INPP5A: variants seen among roughly 807,000 people sequenced by gnomAD.
INPP5A encodes the protein inositol polyphosphate-5-phosphatase A, also known as 43 kDa inositol polyphosphate 5-phophatase.
Under a neutral mutation model 65.2 loss-of-function variants are expected in INPP5A, and 14 were observed. That is an observed-to-expected ratio of 0.21 (90% CI 0.14 to 0.34). The LOEUF (loss-of-function observed/expected upper bound fraction) is 0.34. Ranked by LOEUF, INPP5A falls within the 10% of genes least tolerant of loss-of-function variation. The pLI is 1.00. For missense variants in INPP5A, 431 were observed against 545.6 expected, an observed-to-expected ratio of 0.79 and a Z score of 2.09; for synonymous variants, 207 against 208.3, an observed-to-expected ratio of 0.99 and a Z score of 0.05.
chr10:132,752,961 G>A (rs1369626066), intron 11 of INPP5A, among the ~76,000 whole-genome samples: 3 of 152,140 alleles, frequency 2.0e-5, no homozygotes, highest in South Asian at 2.1e-4. Context: ...GTGTGATTGC[G>A]GAGGCCTGGT....
chr10:132,712,464 G>GT (rs1845658129), intron 8 of INPP5A, among the ~76,000 whole-genome samples: 1 of 145,406 alleles, frequency 6.9e-6, no homozygotes, highest in Non-Finnish European at 1.5e-5. Context: ...TGCATGTGTG[G>GT]TGTGGATGTG....
intron 8 of INPP5A, among the ~76,000 whole-genome samples, chr10:132,723,885 G>T (rs960894512): frequency 6.6e-6 from 1 of 152,188 alleles, no homozygotes; most frequent in Non-Finnish European, 1.5e-5. Context: ...CTGTGCTCAC[G>T]GGACACAGCA....
rs549932990 is a variant in INPP5A, at chr10:132,663,678, G to A, written c.306+13173G>A. ...CTTCTGGCTGGGGTTGGTTTGCAGT[G>A]GAGTCTGTGCCTGTGGCAGCCGTCT... On this transcript the variant is annotated intron_variant, in intron 4 of 15. Transcript: ENST00000368594. This position sits in a 1 kb window ranked among gnomAD's most constrained non-coding sequence, Gnocchi z 4.5. Among the ~76,000 whole-genome samples the A allele has an allele frequency of 6.6e-6, 1 of 152,356 alleles. No individual in the cohort carries two copies. The highest frequency in any genetic ancestry group is 1.9e-4 in the East Asian group (1 of 5,190).
intron 12 of INPP5A, among the ~76,000 whole-genome samples, chr10:132,775,458 C>T (rs1351031719): frequency 6.6e-6 from 1 of 152,258 alleles, no homozygotes; most frequent in Non-Finnish European, 1.5e-5. Flanking sequence ...CCAGCACCTC[C>T]CACCTGTGGG....
At chr10:132,553,208 T>C (rs1266675961) in intron 1 of INPP5A, among the ~76,000 whole-genome samples, 4 of 96,814 alleles carry the variant, frequency 4.1e-5, no homozygotes, top group Admixed American at 3.7e-4. Context: ...GGAGGATTGG[T>C]GAACGCCTTC....
chr10:132,584,199 T>C (rs923169644), intron 1 of INPP5A, among the ~76,000 whole-genome samples: 1 of 152,240 alleles, frequency 6.6e-6, no homozygotes, highest in African/African-American at 2.4e-5. Flanking sequence ...CTTTGCCGGT[T>C]TTGGTGTTGG....
At chr10:132,581,589 G>A (rs1409924023) in intron 1 of INPP5A, among the ~76,000 whole-genome samples, 3 of 152,146 alleles carry the variant, frequency 2.0e-5, no homozygotes, top group Non-Finnish European at 4.4e-5. Context: ...TCTGGCGGGT[G>A]TGCAGTGGGA....
chr10:132,755,153 A>G (rs1452716805), intron 11 of INPP5A, among the ~76,000 whole-genome samples: 1 of 150,838 alleles, frequency 6.6e-6, no homozygotes. Flanking sequence ...GTGAGCAAGC[A>G]TATGCATATG....
At chr10:132,607,323 A>G (rs996182233) in intron 1 of INPP5A, among the ~76,000 whole-genome samples, 10 of 152,328 alleles carry the variant, frequency 6.6e-5, no homozygotes, top group South Asian at 2.1e-4. Flanking sequence ...ACGTGTGTGC[A>G]CGCCTGTGGC....
chr10:132,703,310 C>T (rs1227455617), intron 6 of INPP5A, among the ~76,000 whole-genome samples: 3 of 152,114 alleles, frequency 2.0e-5, no homozygotes, highest in African/African-American at 4.8e-5. Context: ...CGGTGCCTGT[C>T]TTCCCATCCA....
intron 1 of INPP5A, among the ~76,000 whole-genome samples, chr10:132,540,705 A>C (rs1317058716): frequency 6.6e-6 from 1 of 152,136 alleles, no homozygotes; most frequent in African/African-American, 2.4e-5. Flanking sequence ...CTGCTTTGAG[A>C]TTCTGTTTGC....
intron 1 of INPP5A, among the ~76,000 whole-genome samples, chr10:132,602,774 G>A (rs367759904): frequency 3.9e-5 from 6 of 152,302 alleles, no homozygotes; most frequent in African/African-American, 1.4e-4. Context: ...TGATGAGCGC[G>A]GGCATCCTGG....
In INPP5A at chr10:132,704,122, C is replaced by T. The variant is rs1190464020; in HGVS notation, c.475-4191C>T. Among the ~76,000 whole-genome samples the T allele has an allele frequency of 2.0e-5, 3 of 151,884 alleles. No individual in the cohort carries two copies. The highest frequency in any genetic ancestry group is 7.3e-5 in the African/African-American group (3 of 41,302). ...CATCTGGTTCCCAAAGCATGTCAGG[C>T]CCCCCAGTCCCCCCAGACAGGAGGT... On this transcript the variant is annotated intron_variant, in intron 6 of 15. Coordinates refer to ENST00000368594, the MANE Select transcript of INPP5A (RefSeq NM_005539.5). This position sits in a 1 kb window ranked among gnomAD's most constrained non-coding sequence, Gnocchi z 4.5.
intron 12 of INPP5A, among the ~76,000 whole-genome samples, chr10:132,775,280 TCA>T (rs1371394153): frequency 1.3e-5 from 2 of 151,748 alleles, no homozygotes; most frequent in Non-Finnish European, 2.9e-5. Flanking sequence ...GTTCGCCCTA[TCA>T]CAGCCGCTCC....
chr10:132,760,205 GC>G (rs1846706996), intron 11 of INPP5A, among the ~76,000 whole-genome samples: 1 of 152,244 alleles, frequency 6.6e-6, no homozygotes, highest in Non-Finnish European at 1.5e-5. Context: ...GCAGCCCCAG[GC>G]CCTCAAAGGC....
In INPP5A at chr10:132,538,595, G is replaced by C. The variant is rs939555656; in HGVS notation, c.75+424G>C. 2.0e-5 allele frequency among the ~76,000 whole-genome samples: 3 copies of C among 152,014 alleles called. No individual in the cohort carries two copies. Among genetic ancestry groups the C allele is most frequent in the Non-Finnish European group, 4.4e-5 (3 of 68,000 alleles). The stretch of plus-strand genomic sequence containing the variant: ...AAACCCAGCCCCAGCCCTGATTTCC[G>C]AATCCTCAGAACCCTGGCCCTGGAA... On this transcript the variant is annotated intron_variant, in intron 1 of 15. Transcript: ENST00000368594. This position sits in a 1 kb window ranked among gnomAD's most constrained non-coding sequence, Gnocchi z 4.1.
chr10:132,671,140 A>G (rs1174168003), intron 4 of INPP5A, among the ~76,000 whole-genome samples: 1 of 152,056 alleles, frequency 6.6e-6, no homozygotes, highest in Non-Finnish European at 1.5e-5. Flanking sequence ...AGGCATGGGC[A>G]TGTGGGCACG....
intron 8 of INPP5A, among the ~76,000 whole-genome samples, chr10:132,719,499 G>A (rs1590953486): frequency 6.8e-6 from 1 of 147,684 alleles, no homozygotes; most frequent in Non-Finnish European, 1.5e-5. Context: ...GTGGTACCTG[G>A]GTTCTGTCTG....
At chr10:132,542,235 C>T (rs1172302369) in intron 1 of INPP5A, among the ~76,000 whole-genome samples, 1 of 152,258 alleles carries the variant, frequency 6.6e-6, no homozygotes, top group Non-Finnish European at 1.5e-5. Context: ...GCTTAGTCAG[C>T]TCCCGGGCAG....
Sources: allele counts gnomAD v4.1 joint callset (sites outside exome capture counted in the v4.1 genomes callset), GRCh38; gene constraint gnomAD v4.1.1; non-coding constraint Gnocchi (gnomAD v3.1); transcripts MANE v1.5; gene names NCBI Gene and HGNC (gene_info 2026-07-23, HGNC 2026-07-21).